Variants in CSMD1 observed in about 807,000 individuals in gnomAD.
The protein encoded by CSMD1 is CUB and Sushi multiple domains 1.
In CSMD1, 213 loss-of-function variants were observed where a neutral mutation model predicts 417.5. That is an observed-to-expected ratio of 0.51 (90% CI 0.46 to 0.57). The LOEUF is 0.57. CSMD1 is among the 20% of genes least tolerant of loss of function. CSMD1 has a pLI of 0.00. For synonymous variants in CSMD1, 2,862 were observed against 1,736.8 expected (o/e 1.65, Z -16.11); for missense variants, 6,923 against 4,529.7 (o/e 1.53, Z -15.17).
chr8:4,635,479 A>G (rs1006497545), intron 2 of CSMD1, among the ~76,000 whole-genome samples: 10 of 152,188 alleles, frequency 6.6e-5, no homozygotes, highest in African/African-American at 2.2e-4. Context: ...CAGGTTTTCT[A>G]TATATGAAAG....
At chr8:4,017,272 C>T (rs1401747797) in intron 4 of CSMD1, among the ~76,000 whole-genome samples, 1 of 152,128 alleles carries the variant, frequency 6.6e-6, no homozygotes, top group Non-Finnish European at 1.5e-5. Flanking sequence ...TTCATCTTCT[C>T]ATCATTTCTA....
At chr8:4,047,578 T>A (rs1798214256) in intron 3 of CSMD1, among the ~76,000 whole-genome samples, 1 of 152,178 alleles carries the variant, frequency 6.6e-6, no homozygotes, top group African/African-American at 2.4e-5. Flanking sequence ...TTATGTTGAA[T>A]ATTTACTGAA....
At chr8:4,644,830 T>C (rs912453607) in intron 1 of CSMD1, among the ~76,000 whole-genome samples, 6 of 152,258 alleles carry the variant, frequency 3.9e-5, no homozygotes, top group South Asian at 2.1e-4. Flanking sequence ...AAGATAATGA[T>C]TGGCTTGTTT....
intron 1 of CSMD1, among the ~76,000 whole-genome samples, chr8:4,691,521 G>C (rs1806769556): frequency 6.6e-6 from 1 of 152,114 alleles, no homozygotes; most frequent in Admixed American, 6.5e-5. Flanking sequence ...CTGACCTTAT[G>C]TCCCATGAAA....
intron 2 of CSMD1, among the ~76,000 whole-genome samples, chr8:4,615,229 T>C (rs1801408664): frequency 6.6e-6 from 1 of 152,180 alleles, no homozygotes; most frequent in South Asian, 2.1e-4. Context: ...TGTGTACCCA[T>C]GTGAACACAA....
At chr8:3,181,390 C>T (rs1186116423) in intron 36 of CSMD1, among the ~76,000 whole-genome samples, 176 bp from the exon 37 acceptor site, 1 of 152,170 alleles carries the variant, frequency 6.6e-6, no homozygotes, top group East Asian at 1.9e-4. Flanking sequence ...TTTCTAGGTA[C>T]AATAAAAAGT....
intron 5 of CSMD1, among the ~76,000 whole-genome samples, chr8:3,952,959 A>C (rs2554512): frequency 6.6e-6 from 1 of 151,950 alleles, no homozygotes; most frequent in African/African-American, 2.4e-5. Context: ...AATACAAAAC[A>C]ACCTTCCAGA....
intron 1 of CSMD1, among the ~76,000 whole-genome samples, chr8:4,818,869 A>AGTTT (rs1799359671): frequency 6.6e-6 from 1 of 152,216 alleles, no homozygotes; most frequent in South Asian, 2.1e-4. Flanking sequence ...AAGAAAAGTT[A>AGTTT]AACTGTTTAC....
Position 3,771,478 on chromosome 8 carries a change from C to T in CSMD1, c.819-17436G>A, listed in dbSNP as rs569820888. 1.4e-4 allele frequency among the ~76,000 whole-genome samples: 22 copies of T among 152,256 alleles called. No homozygotes were observed. The South Asian group carries it at 4.1e-3, about 29-fold the overall frequency. Reference sequence around the variant, plus strand: ...TGGTGGGGGGGCAAGCAGGGCCAGGCCAATTCTCAAGCTCTCGAACACACA... The same window carrying T: ...TGGTGGGGGGGCAAGCAGGGCCAGGTCAATTCTCAAGCTCTCGAACACACA... On this transcript the variant is annotated intron_variant, in intron 5 of 69. Coordinates refer to ENST00000635120, the MANE Select transcript of CSMD1 (RefSeq NM_033225.6).
chr8:4,900,464 C>G (rs904926114), intron 1 of CSMD1, among the ~76,000 whole-genome samples: 39 of 152,222 alleles, frequency 2.6e-4, no homozygotes, highest in African/African-American at 8.9e-4. Context: ...TTATCCAGTC[C>G]TCCTACCCTT....
chr8:4,870,846 A>C (rs937383316), intron 1 of CSMD1, among the ~76,000 whole-genome samples: 118 of 152,242 alleles, frequency 7.8e-4, no homozygotes, highest in African/African-American at 2.8e-3. Flanking sequence ...TCTGCTTCAG[A>C]TGAATCCAAG....
chr8:3,532,624 C>T (rs1464275593), intron 10 of CSMD1, among the ~76,000 whole-genome samples: 2 of 152,118 alleles, frequency 1.3e-5, no homozygotes, highest in African/African-American at 4.8e-5. Context: ...TTTACTACGC[C>T]AAAATTTTAC....
At chr8:3,884,235 T>A (rs1262613933) in intron 5 of CSMD1, among the ~76,000 whole-genome samples, 1 of 152,238 alleles carries the variant, frequency 6.6e-6, no homozygotes, top group African/African-American at 2.4e-5. Context: ...TATCCTTTGA[T>A]ACGCCTCTAA....
At chr8:3,258,848 A>G (rs539896679) in intron 26 of CSMD1, among the ~76,000 whole-genome samples, 94 of 152,348 alleles carry the variant, frequency 6.2e-4, no homozygotes, top group African/African-American at 2.2e-3. Context: ...GGAAGAGAAA[A>G]CCAAATACTG....
At chr8:4,167,362 C>T (rs1481202811) in intron 3 of CSMD1, among the ~76,000 whole-genome samples, 1 of 152,066 alleles carries the variant, frequency 6.6e-6, no homozygotes, top group Non-Finnish European at 1.5e-5. Context: ...CCTGGTGACA[C>T]TTCAATTTAA....
At chr8:4,700,470 T>C (rs1194972471) in intron 1 of CSMD1, among the ~76,000 whole-genome samples, 5 of 152,146 alleles carry the variant, frequency 3.3e-5, no homozygotes, top group African/African-American at 1.2e-4. Context: ...ACAACCTGCA[T>C]ATTCTTTAAA....
intron 1 of CSMD1, among the ~76,000 whole-genome samples, chr8:4,968,583 G>A (rs905422091): frequency 7.2e-5 from 11 of 151,832 alleles, no homozygotes; most frequent in African/African-American, 2.7e-4. Flanking sequence ...TGAACCAAAG[G>A]AGACTCTCCA....
At chr8:3,536,560 T>G (rs191578742) in intron 10 of CSMD1, among the ~76,000 whole-genome samples, 4 of 152,298 alleles carry the variant, frequency 2.6e-5, no homozygotes, top group East Asian at 1.9e-4. Context: ...TGGTTCCTGG[T>G]AGAAATTCAG....
chr8:4,413,346 T>A (rs1796751387), intron 3 of CSMD1, among the ~76,000 whole-genome samples: 1 of 152,220 alleles, frequency 6.6e-6, no homozygotes. Context: ...ACCAATTCTA[T>A]CATTCATTCT....
Sources: gnomAD v4.1 joint callset for allele counts (sites outside exome capture counted in the v4.1 genomes callset) on GRCh38, gnomAD v4.1.1 for gene constraint, MANE v1.5 for transcripts, NCBI Gene and HGNC (gene_info 2026-07-23, HGNC 2026-07-21) for gene names.